Variants in RAP1A observed in about 807,000 individuals in gnomAD.
RAP1A encodes ras-related protein Rap-1A.
RAP1A carries 6 observed loss-of-function variants against 26.4 expected under a neutral mutation model. The observed-to-expected ratio is 0.23, with a 90% CI of 0.12 to 0.45. The LOEUF (loss-of-function observed/expected upper bound fraction) is 0.45. Ranked by LOEUF, RAP1A falls within the 20% of genes least tolerant of loss-of-function variation. RAP1A has a pLI of 0.99. For synonymous variants in RAP1A, 73 were observed against 79.4 expected (o/e 0.92, Z 0.43); for missense variants, 121 against 217.2 (o/e 0.56, Z 2.78).
At chr1:111,672,206 C>G (rs1036699335) in intron 1 of RAP1A, among the ~76,000 whole-genome samples, 6 of 151,938 alleles carry the variant, frequency 3.9e-5, no homozygotes, top group Non-Finnish European at 8.8e-5. Context: ...TTCATGATTC[C>G]CATTCTGTCA....
chr1:111,573,156 G>A (rs1465888604), intron 1 of RAP1A, among the ~76,000 whole-genome samples: 1 of 152,126 alleles, frequency 6.6e-6, no homozygotes, highest in Non-Finnish European at 1.5e-5. Flanking sequence ...TCATTGATGG[G>A]CATTTAGTTC....
chr1:111,662,394 CAAAAAAAA>C (rs60481679), intron 1 of RAP1A, among the ~76,000 whole-genome samples: 5 of 103,402 alleles, frequency 4.8e-5, no homozygotes, highest in Middle Eastern at 5.0e-3. Flanking sequence ...GACTCCATCT[CAAAAAAAA>C]AAAAAAAAAA....
intron 1 of RAP1A, among the ~76,000 whole-genome samples, chr1:111,571,546 G>A (rs1392990528): frequency 1.3e-5 from 2 of 152,208 alleles, no homozygotes; most frequent in African/African-American, 4.8e-5. Flanking sequence ...CAGTCGGGAA[G>A]TTCCAAGGGT....
At chr1:111,631,327 G>A (rs1408439026) in intron 1 of RAP1A, among the ~76,000 whole-genome samples, 2 of 152,120 alleles carry the variant, frequency 1.3e-5, no homozygotes, top group Non-Finnish European at 2.9e-5. Flanking sequence ...TGAAATCCAT[G>A]GAATAGAATA....
intron 1 of RAP1A, among the ~76,000 whole-genome samples, chr1:111,581,154 G>A (rs771704660): frequency 7.3e-5 from 11 of 150,720 alleles, no homozygotes; most frequent in African/African-American, 1.5e-4. Flanking sequence ...GGAAAGTGAC[G>A]GTAAATGCAG....
At chr1:111,709,566 C>T (rs188696882) in intron 7 of RAP1A, among the ~76,000 whole-genome samples, 3 of 152,240 alleles carry the variant, frequency 2.0e-5, no homozygotes, top group Non-Finnish European at 2.9e-5. Context: ...CTAGATGACT[C>T]CCAAATTCAT....
chr1:111,621,177 G>A (rs1246743113), intron 1 of RAP1A, among the ~76,000 whole-genome samples: 2 of 152,134 alleles, frequency 1.3e-5, no homozygotes, highest in Non-Finnish European at 2.9e-5. Flanking sequence ...TTAACTTGGG[G>A]CTCCTACCTT....
intron 1 of RAP1A, among the ~76,000 whole-genome samples, chr1:111,542,943 C>T (rs1360182814): frequency 1.3e-5 from 2 of 152,134 alleles, no homozygotes; most frequent in African/African-American, 4.8e-5. Context: ...GTGATCCTCC[C>T]ACTTTGGCCT....
intron 1 of RAP1A, among the ~76,000 whole-genome samples, chr1:111,676,311 A>G (rs536922147): frequency 3.9e-5 from 6 of 152,254 alleles, no homozygotes; most frequent in Non-Finnish European, 7.4e-5. Flanking sequence ...AGCCGAGATC[A>G]TGCCACTCAA....
At chr1:111,669,026 GAAAAAAAA>G (rs58557062) in intron 1 of RAP1A, among the ~76,000 whole-genome samples, 552 of 19,810 alleles carry the variant, frequency 0.028, 3 homozygotes, top group African/African-American at 0.063. Context: ...CCTATCTCAA[GAAAAAAAA>G]AAAAAAAAAA....
chr1:111,689,774 G>A (rs1260292537), intron 1 of RAP1A, among the ~76,000 whole-genome samples: 5 of 151,788 alleles, frequency 3.3e-5, no homozygotes, highest in Admixed American at 6.6e-5. Context: ...GGTTCACACC[G>A]TTCTCCTGCC....
intron 6 of RAP1A, chr1:111,706,839 A>G (rs1045850753): frequency 2.5e-5 from 18 of 714,654 alleles, no homozygotes; most frequent in African/African-American, 9.7e-5. Flanking sequence ...TTACCTTTCT[A>G]TATAGTACCA....
intron 1 of RAP1A, among the ~76,000 whole-genome samples, chr1:111,551,681 A>G (rs1418911215): frequency 6.6e-6 from 1 of 151,942 alleles, no homozygotes; most frequent in Non-Finnish European, 1.5e-5. Context: ...AACATCTTTT[A>G]TATTTATCTA....
At chr1:111,592,016 G>T (rs933047741) in intron 1 of RAP1A, among the ~76,000 whole-genome samples, 1 of 152,152 alleles carries the variant, frequency 6.6e-6, no homozygotes, top group Non-Finnish European at 1.5e-5. Context: ...TCTGGACCTC[G>T]AGGGCTGGCT....
At chr1:111,625,200 A>G (rs957752948) in intron 1 of RAP1A, among the ~76,000 whole-genome samples, 3 of 152,252 alleles carry the variant, frequency 2.0e-5, no homozygotes, top group Non-Finnish European at 2.9e-5. Flanking sequence ...GTATACGCCT[A>G]TAACATGTTA....
At chr1:111,692,654 G>A (rs912126360) in intron 2 of RAP1A, among the ~76,000 whole-genome samples, 4 of 152,086 alleles carry the variant, frequency 2.6e-5, no homozygotes, top group Admixed American at 2.6e-4. Context: ...CATTTTCAGA[G>A]TAGAATACAG....
At chr1:111,666,947 A>AAGATAGGGATATGGAGCC (rs1660814217) in intron 1 of RAP1A, among the ~76,000 whole-genome samples, 1 of 152,362 alleles carries the variant, frequency 6.6e-6, no homozygotes, top group African/African-American at 2.4e-5. Context: ...GATATGGAGC[A>AAGATAGGGATATGGAGCC]AGATGAAGTG....
intron 1 of RAP1A, among the ~76,000 whole-genome samples, chr1:111,634,686 C>T (rs778014870): frequency 3.4e-4 from 52 of 151,788 alleles, no homozygotes; most frequent in Admixed American, 6.6e-5. Context: ...CACTCTGTTG[C>T]CAGGCTGGAG....
chr1:111,706,704 G>A (rs1442929829), intron 6 of RAP1A: 1 of 985,010 alleles, frequency 1.0e-6, no homozygotes, highest in Non-Finnish European at 1.2e-6. Context: ...ACCTAGGCTG[G>A]GGCCTTTCAG....
Sources: gnomAD v4.1 joint callset for allele counts (sites outside exome capture counted in the v4.1 genomes callset) on GRCh38, gnomAD v4.1.1 for gene constraint, MANE v1.5 for transcripts, NCBI Gene and HGNC (gene_info 2026-07-23, HGNC 2026-07-21) for gene names.